The following MTNR1A variants were observed in gnomAD, a reference collection of about 807,000 sequenced individuals.
The protein encoded by MTNR1A is melatonin receptor type 1A.
In MTNR1A, 7 loss-of-function variants were observed where a neutral mutation model predicts 5.5. The observed-to-expected ratio is 1.28, with a 90% CI of 0.73 to 2.40. The LOEUF is 2.40. Among genes scored for constraint, MTNR1A ranks in the 30% most tolerant of loss-of-function variants. The probability of loss-of-function intolerance (pLI) is 0.00; values close to 1 mark genes in which losing one functional copy is unlikely to be tolerated. For synonymous variants in MTNR1A, 196 were observed against 202.7 expected, an observed-to-expected ratio of 0.97 and a Z score of 0.28; for missense variants, 441 against 464.4, an observed-to-expected ratio of 0.95 and a Z score of 0.46.
At chr4:186,540,390 G>A (rs896227199) in intron 1 of MTNR1A, among the ~76,000 whole-genome samples, 5 of 152,236 alleles carry the variant, frequency 3.3e-5, no homozygotes, top group African/African-American at 9.6e-5. Flanking sequence ...ATCCCTGGAT[G>A]TGGAACCCAT....
intron 1 of MTNR1A, among the ~76,000 whole-genome samples, chr4:186,545,227 A>G (rs1737116400): frequency 1.3e-5 from 2 of 152,110 alleles, no homozygotes; most frequent in African/African-American, 2.4e-5. Context: ...ACTGGCTTCT[A>G]GATAGAAAAA....
chr4:186,536,000 A>G (rs1001366354), intron 1 of MTNR1A, among the ~76,000 whole-genome samples: 2 of 152,188 alleles, frequency 1.3e-5, no homozygotes, highest in African/African-American at 4.8e-5. Flanking sequence ...TTAAATGCAT[A>G]TATTTGGTGC....
intron 1 of MTNR1A, among the ~76,000 whole-genome samples, chr4:186,549,446 C>G (rs1449661752): frequency 6.6e-6 from 1 of 152,174 alleles, no homozygotes; most frequent in Non-Finnish European, 1.5e-5. Flanking sequence ...TTGAAATTCT[C>G]TCACTAATTC....
intron 1 of MTNR1A, among the ~76,000 whole-genome samples, chr4:186,534,819 C>T (rs986703468): frequency 4.6e-5 from 7 of 152,144 alleles, no homozygotes; most frequent in Non-Finnish European, 2.9e-5. Context: ...TCAAACCGTT[C>T]GGCTTCTCAT....
At chr4:186,546,881 T>C (rs1202536606) in intron 1 of MTNR1A, among the ~76,000 whole-genome samples, 5 of 138,456 alleles carry the variant, frequency 3.6e-5, no homozygotes, top group African/African-American at 1.4e-4. Flanking sequence ...CACCACACCC[T>C]GTTCGTGGGA....
intron 1 of MTNR1A, among the ~76,000 whole-genome samples, chr4:186,550,176 T>C (rs1579255985): frequency 6.6e-6 from 1 of 152,188 alleles, no homozygotes; most frequent in East Asian, 1.9e-4. Context: ...CTCAGGTTCC[T>C]GGTCACCTTG....
intron 1 of MTNR1A, among the ~76,000 whole-genome samples, chr4:186,543,136 G>A (rs150580202): frequency 4.2e-4 from 64 of 152,286 alleles, no homozygotes; most frequent in African/African-American, 1.5e-3. Flanking sequence ...AGTGCCACCT[G>A]CTATTTGGGG....
In MTNR1A at chr4:186,543,495, G is replaced by A. The variant is rs183393650; in HGVS notation, c.185-8938C>T. On this transcript the variant is annotated intron_variant, in intron 1 of 1. Coordinates refer to ENST00000307161, the MANE Select transcript of MTNR1A (RefSeq NM_005958.4). ...CACCTGGCCAACTGCAGAAGTGAGG[G>A]CTAAAATAATTATGAGTATTTCCTG... 1.1e-3 allele frequency among the ~76,000 whole-genome samples: 173 copies of A among 152,322 alleles called. 1 individual carries two copies. The highest frequency in any genetic ancestry group is 4.2e-3 in the Admixed American group (64 of 15,298).
intron 1 of MTNR1A, among the ~76,000 whole-genome samples, chr4:186,543,153 A>C (rs1737064058): frequency 6.6e-6 from 1 of 152,216 alleles, no homozygotes; most frequent in Non-Finnish European, 1.5e-5. Context: ...GGGGCTCCTC[A>C]TTCTAGTGAA....
intron 1 of MTNR1A, among the ~76,000 whole-genome samples, chr4:186,543,132 A>G (rs1055258038): frequency 5.3e-5 from 8 of 152,154 alleles, no homozygotes; most frequent in African/African-American, 1.7e-4. Context: ...TGAGAGTGCC[A>G]CCTGCTATTT....
At chr4:186,546,298 G>A (rs1737140147) in intron 1 of MTNR1A, among the ~76,000 whole-genome samples, 1 of 151,980 alleles carries the variant, frequency 6.6e-6, no homozygotes, top group African/African-American at 2.4e-5. Context: ...TGGAACAGGG[G>A]TCTCTCCATA....
At chr4:186,542,719 T>C (rs1737053294) in intron 1 of MTNR1A, among the ~76,000 whole-genome samples, 1 of 152,196 alleles carries the variant, frequency 6.6e-6, no homozygotes, top group Non-Finnish European at 1.5e-5. Context: ...AGCAAAATGT[T>C]TGCTTCCTTT....
At chr4:186,541,252 TG>T (rs1284564014) in intron 1 of MTNR1A, among the ~76,000 whole-genome samples, 1 of 152,096 alleles carries the variant, frequency 6.6e-6, no homozygotes, top group Non-Finnish European at 1.5e-5. Context: ...AAAACAAGGA[TG>T]GAGGAAGACC....
chr4:186,533,931 T>C lies in MTNR1A; in HGVS notation c.811A>G (p.Arg271Gly), dbSNP rs769022256. Reference protein sequence around the residue: ...VASDPASMVPRIPEWLFVASY... With the variant: ...VASDPASMVPGIPEWLFVASY... ...GCCACAAACAGCCACTCTGGGATCC[T>C]AGGCACCATGCTGGCGGGGTCAGAG... The change falls in exon 2 of 2, where the codon AGG (arginine) becomes GGG (glycine). Residue 271 changes from arginine (R) to glycine (G), a missense_variant. Physicochemically the swap from Arg to Gly is moderately radical, Grantham distance 125 (BLOSUM62 -2). Transcript: ENST00000307161. 6.2e-7 allele frequency: 1 copy of C among 1,614,160 alleles called. No individual in the cohort carries two copies.
intron 1 of MTNR1A, among the ~76,000 whole-genome samples, chr4:186,535,623 C>A (rs1221665484): frequency 6.6e-6 from 1 of 152,158 alleles, no homozygotes; most frequent in East Asian, 1.9e-4. Context: ...TTTGTCTAGG[C>A]TGCTCTCAAA....
chr4:186,548,711 C>T (rs1237607243), intron 1 of MTNR1A, among the ~76,000 whole-genome samples: 3 of 150,714 alleles, frequency 2.0e-5, no homozygotes, highest in Non-Finnish European at 4.4e-5. Context: ...CTCCAGGCAT[C>T]TGGTTCCAGA....
At position 186,534,336 on chromosome 4, in the gene MTNR1A, C is replaced by G. The variant is rs533724160; in HGVS notation, c.406G>C (p.Asp136His). The part of the protein sequence containing the change: ...YCYICHSLKY[D>H]KLYSSKNSLC... ...GAGTTCTTGCTGCTGTACAGTTTGT[C>G]GTACTTGAGACTGTGGCAGATGTAG... Residue 136 changes from aspartate (D) to histidine (H), a missense_variant, in exon 2 of 2, where the codon GAC (aspartate) becomes CAC (histidine). By Grantham distance (81) the Asp-to-His change is moderately conservative (BLOSUM62 -1). Transcript: ENST00000307161. 6.2e-7 allele frequency: 1 copy of G among 1,614,096 alleles called. No homozygotes were observed. The highest frequency in any genetic ancestry group is 1.3e-5 in the African/African-American group (1 of 75,014).
At chr4:186,545,408 G>A (rs138043367) in intron 1 of MTNR1A, among the ~76,000 whole-genome samples, 123 of 152,226 alleles carry the variant, frequency 8.1e-4, no homozygotes, top group African/African-American at 2.8e-3. Flanking sequence ...ACAGCCGTCT[G>A]TCTCCCTCTG....
At chr4:186,544,006 A>AT (rs1384358161) in intron 1 of MTNR1A, among the ~76,000 whole-genome samples, 1 of 151,880 alleles carries the variant, frequency 6.6e-6, no homozygotes, top group African/African-American at 2.4e-5. Flanking sequence ...AGCAGCAGCT[A>AT]TTTTTTTCAT....
Sources: allele counts gnomAD v4.1 joint callset (sites outside exome capture counted in the v4.1 genomes callset), GRCh38; gene constraint gnomAD v4.1.1; transcripts MANE v1.5; gene names NCBI Gene and HGNC (gene_info 2026-07-23, HGNC 2026-07-21).